The following STK32B variants were observed in gnomAD, a reference collection of about 807,000 sequenced individuals.
STK32B encodes the protein serine/threonine-protein kinase 32B.
In STK32B, 43 loss-of-function variants were observed where a neutral mutation model predicts 52.6. The observed-to-expected ratio is 0.82, with a 90% CI of 0.64 to 1.05. The LOEUF (loss-of-function observed/expected upper bound fraction) is 1.05, where lower values mean the gene tolerates loss of function less well. Among genes scored for constraint, STK32B ranks in the 50% least tolerant of loss-of-function variants. The probability of loss-of-function intolerance (pLI) is 0.00; values close to 1 mark genes in which losing one functional copy is unlikely to be tolerated. For synonymous variants in STK32B, 238 were observed against 204.3 expected (o/e 1.17, Z -1.41); for missense variants, 621 against 534.6 (o/e 1.16, Z -1.59).
chr4:5,495,527 T>C (rs1287490100), intron 11 of STK32B, among the ~76,000 whole-genome samples: 1 of 152,210 alleles, frequency 6.6e-6, no homozygotes, highest in East Asian at 1.9e-4. Flanking sequence ...TTGAATTTCC[T>C]CCTGTAGCTC....
At chr4:5,247,711 G>T (rs1457752338) in intron 3 of STK32B, among the ~76,000 whole-genome samples, 1 of 152,104 alleles carries the variant, frequency 6.6e-6, no homozygotes, top group African/African-American at 2.4e-5. Flanking sequence ...GGCCATCTTG[G>T]CTCCACCCCT....
At chr4:5,435,102 C>T (rs1245197801) in intron 6 of STK32B, among the ~76,000 whole-genome samples, 2 of 152,146 alleles carry the variant, frequency 1.3e-5, no homozygotes, top group African/African-American at 2.4e-5. Flanking sequence ...AAGCCCTGCA[C>T]GAATGCTGTG....
At chr4:5,300,527 A>G (rs1461432587) in intron 3 of STK32B, among the ~76,000 whole-genome samples, 2 of 152,218 alleles carry the variant, frequency 1.3e-5, no homozygotes, top group East Asian at 3.8e-4. Flanking sequence ...CTACACTTAG[A>G]AAACCCTAAA....
At chr4:5,271,073 G>T (rs1285868373) in intron 3 of STK32B, among the ~76,000 whole-genome samples, 1 of 152,012 alleles carries the variant, frequency 6.6e-6, no homozygotes, top group East Asian at 1.9e-4. Flanking sequence ...GAGTAGCTGG[G>T]ACTGCAGGTG....
At chr4:5,061,169 ACTT>A (rs1410864560) in intron 1 of STK32B, among the ~76,000 whole-genome samples, 1 of 152,190 alleles carries the variant, frequency 6.6e-6, no homozygotes, top group East Asian at 1.9e-4. Flanking sequence ...CTTTGACAAT[ACTT>A]CTTTGCTTTT....
rs146770004 is a variant in STK32B, at chr4:5,118,049, C to T, written c.53-21856C>T. On this transcript the variant is annotated intron_variant, in intron 1 of 11. Transcript: ENST00000282908. ...TAGCGTCCTTGTCTGGCTTTGATAT[C>T]AGGGTAATGCTGGACTTGTAAAATG... Among the ~76,000 whole-genome samples the T allele has an allele frequency of 8.7e-4, 132 of 152,240 alleles. 1 individual carries two copies. Among genetic ancestry groups the T allele is most frequent in the Non-Finnish European group, 1.5e-3 (99 of 68,010 alleles).
chr4:5,172,477 T>C (rs368080618), intron 3 of STK32B, among the ~76,000 whole-genome samples: 27,762 of 150,870 alleles, frequency 0.18, 3,186 homozygotes, highest in East Asian at 0.3. Context: ...TTTTGAGATA[T>C]GTCCCATCAA....
intron 1 of STK32B, among the ~76,000 whole-genome samples, chr4:5,129,857 A>G (rs1715642532): frequency 6.6e-6 from 1 of 152,132 alleles, no homozygotes; most frequent in African/African-American, 2.4e-5. Flanking sequence ...CCCATTCAAT[A>G]TTTATTCATT....
intron 3 of STK32B, among the ~76,000 whole-genome samples, chr4:5,265,959 A>T (rs1464759559): frequency 2.0e-5 from 3 of 152,198 alleles, no homozygotes; most frequent in Admixed American, 2.0e-4. Context: ...TTGGTGATAT[A>T]TTAAATTATG....
intron 9 of STK32B, among the ~76,000 whole-genome samples, chr4:5,462,412 G>A (rs1717104872): frequency 6.6e-6 from 1 of 151,866 alleles, no homozygotes; most frequent in African/African-American, 2.4e-5. Context: ...ATCTGTGTGT[G>A]TGTGTGGTGT....
At chr4:5,490,151 G>A (rs1389835711) in intron 11 of STK32B, among the ~76,000 whole-genome samples, 16 of 151,452 alleles carry the variant, frequency 1.1e-4, no homozygotes. Flanking sequence ...CTGCCACCCA[G>A]GCTGGAGTGC....
At chr4:5,152,593 A>G (rs530971575) in intron 2 of STK32B, among the ~76,000 whole-genome samples, 2 of 152,388 alleles carry the variant, frequency 1.3e-5, no homozygotes, top group South Asian at 2.1e-4. Flanking sequence ...GGAGGATGTC[A>G]GGAGACAGTG....
chr4:5,372,001 A>C (rs1217665158), intron 4 of STK32B, among the ~76,000 whole-genome samples: 2 of 152,238 alleles, frequency 1.3e-5, no homozygotes, highest in Admixed American at 1.3e-4. Flanking sequence ...ACTTCTCTCC[A>C]GCCCTGGAAA....
chr4:5,034,315 G>A, the STK32B span, among the ~76,000 whole-genome samples: 2 of 152,144 alleles, frequency 1.3e-5, no homozygotes, highest in Admixed American at 1.3e-4. Context: ...CACACTGTAG[G>A]GATAACCTCT....
chr4:5,250,798 C>T lies in STK32B; in HGVS notation c.261-80422C>T, dbSNP rs78041143. Among the ~76,000 whole-genome samples the T allele has an allele frequency of 3.5e-3, 536 of 152,206 alleles. 6 individuals carry two copies. The highest frequency in any genetic ancestry group is 0.018 in the Admixed American group (281 of 15,274). On this transcript the variant is annotated intron_variant, in intron 3 of 11. Coordinates refer to ENST00000282908, the MANE Select transcript of STK32B (RefSeq NM_018401.3). ...GGCATCTCATTGTGGTTTTCTTTTGCATTTATTTAGTGATGAGTGATGTTG... is the reference window on the plus strand; with the variant it reads ...GGCATCTCATTGTGGTTTTCTTTTGTATTTATTTAGTGATGAGTGATGTTG...
At chr4:5,034,375 A>C in the STK32B span, among the ~76,000 whole-genome samples, 1 of 152,280 alleles carries the variant, frequency 6.6e-6, no homozygotes, top group East Asian at 1.9e-4. Flanking sequence ...TCCATCTGTC[A>C]CTTTCCTGCT....
At chr4:5,493,027 G>C (rs1359481977) in intron 11 of STK32B, among the ~76,000 whole-genome samples, 1 of 151,374 alleles carries the variant, frequency 6.6e-6, no homozygotes, top group Non-Finnish European at 1.5e-5. Context: ...CAAGGATATT[G>C]GTCTAAAATT....
intron 1 of STK32B, among the ~76,000 whole-genome samples, chr4:5,086,500 G>A (rs1712738129): frequency 6.6e-6 from 1 of 151,936 alleles, no homozygotes; most frequent in African/African-American, 2.4e-5. Context: ...AACCATAATG[G>A]CAACCCCAGA....
At chr4:5,227,276 C>A (rs1723940141) in intron 3 of STK32B, among the ~76,000 whole-genome samples, 1 of 152,198 alleles carries the variant, frequency 6.6e-6, no homozygotes, top group Admixed American at 6.5e-5. Context: ...TTCTCTCTCA[C>A]GTTAAAATCC....
Sources: gnomAD v4.1 joint callset for allele counts (sites outside exome capture counted in the v4.1 genomes callset) on GRCh38, gnomAD v4.1.1 for gene constraint, MANE v1.5 for transcripts, NCBI Gene and HGNC (gene_info 2026-07-23, HGNC 2026-07-21) for gene names.